CPT1B: variants seen among roughly 807,000 people sequenced by gnomAD.
The protein encoded by CPT1B is carnitine palmitoyltransferase 1B, also known as carnitine O-palmitoyltransferase 1, muscle isoform.
CPT1B carries 57 observed loss-of-function variants against 92.7 expected under a neutral mutation model. That is an observed-to-expected ratio of 0.62 (90% CI 0.50 to 0.77). The LOEUF (loss-of-function observed/expected upper bound fraction) is 0.77, where lower values mean the gene tolerates loss of function less well. Ranked by LOEUF, CPT1B falls within the 30% of genes least tolerant of loss-of-function variation. CPT1B has a pLI of 0.00. For synonymous variants in CPT1B, 398 were observed against 383.5 expected (o/e 1.04, Z -0.44); for missense variants, 983 against 1,017.4 (o/e 0.97, Z 0.46).
In CPT1B at chr22:50,577,413, G is replaced by A; in HGVS notation, c.192C>T (p.Val64=). 1 of 1,613,904 alleles carries A rather than the reference G, an allele frequency of 6.2e-7. No individual in the cohort carries two copies. The change falls in exon 3 of 20, where the codon GTC becomes GTT. Residue 64 remains valine, a synonymous_variant. Coordinates refer to ENST00000312108, the MANE Select transcript of CPT1B (RefSeq NM_152246.3). ...VYPGSPTSWL[V]VIMATVGSSF... ...AGGAACCCACTGTTGCCATGATGAC[G>A]ACCAGCCAGCTGGTGGGGCTGCCAG...
In CPT1B at chr22:50,577,927, G is replaced by A; in HGVS notation, c.-12C>T. The A allele has an allele frequency of 6.2e-7, 1 of 1,604,948 alleles. No homozygotes were observed. Among genetic ancestry groups the A allele is most frequent in the Admixed American group, 1.7e-5 (1 of 59,866 alleles). ...TGAGCTTCCGCCATCCTGGGGGTTG[G>A]TCGGCACCTAGGACGGGGGCAGATG... On this transcript the variant is annotated 5_prime_UTR_variant, in exon 2 of 20. Coordinates refer to ENST00000312108, the MANE Select transcript of CPT1B (RefSeq NM_152246.3).
intron 7 of CPT1B, 26 bp from the exon 8 acceptor site, chr22:50,574,626 T>G (rs1458298858): frequency 6.3e-7 from 1 of 1,597,186 alleles, no homozygotes; most frequent in South Asian, 1.1e-5. Context: ...GCCCGCGGGG[T>G]GGGGGCCTCT....
chr22:50,572,847 G>A (rs2070242588), intron 11 of CPT1B, 28 bp downstream of exon 11: 1 of 1,593,818 alleles, frequency 6.3e-7, no homozygotes. Flanking sequence ...ACCTTAAGCT[G>A]TAACCTGTGG....
chr22:50,578,516 A>G (rs539863118), upstream of CPT1B: 2 of 155,818 alleles, frequency 1.3e-5, no homozygotes, highest in South Asian at 3.9e-4. Context: ...GGGGTCGGGG[A>G]AAAACGTGGG....
chr22:50,577,117 A>G lies in CPT1B; in HGVS notation c.282-83T>C. ...GTGAACTGTCTCAGGGGAGACACCA[A>G]GGGGAAGAACCTCCCTGGGCACACT... On this transcript the variant is annotated intron_variant, in intron 3 of 19. Coordinates refer to ENST00000312108, the MANE Select transcript of CPT1B (RefSeq NM_152246.3). 8 of 1,511,840 alleles carry G rather than the reference A, an allele frequency of 5.3e-6. 1 individual carries two copies. The South Asian group carries it at 9.3e-5, about 18-fold the overall frequency. The allele number at this position is 1,511,840 out of a possible 1,614,324, so 93.7% of individuals were successfully genotyped here.
chr22:50,571,270 G>T lies in CPT1B; in HGVS notation c.1763C>A (p.Thr588Asn). Reference protein sequence around the residue: ...HFRDRGKFCLTYEASMTRMFR... With the variant: ...HFRDRGKFCLNYEASMTRMFR... Reference sequence around the variant, plus strand: ...CATTCTGGTCATTGAGGCCTCATAGGTCAGGCAGAACTTACCCCTGTCCTG... The same window carrying T: ...CATTCTGGTCATTGAGGCCTCATAGTTCAGGCAGAACTTACCCCTGTCCTG... The change falls in exon 15 of 20, where the codon ACC (threonine) becomes AAC (asparagine). Residue 588 changes from threonine (T) to asparagine (N), a missense_variant. Transcript: ENST00000312108. The T allele has an allele frequency of 1.2e-6, 2 of 1,613,948 alleles. No homozygotes were observed. The highest frequency in any genetic ancestry group is 1.7e-6 in the Non-Finnish European group (2 of 1,180,040).
At position 50,571,165 on chromosome 22, in the gene CPT1B, G is replaced by A. The variant is rs563717431; in HGVS notation, c.1868C>T (p.Ser623Phe). ...TAFVQAMMEGSHTKADLRDLF... is the reference protein window; with the variant it reads ...TAFVQAMMEGFHTKADLRDLF... The stretch of plus-strand genomic sequence containing the variant: ...TGGGCAGAGGACACTTACTGTGTGG[G>A]ACCCCTCCATCATGGCCTGCACAAA... The change falls in exon 15 of 20, where the codon TCC becomes TTC. Residue 623 changes from serine to phenylalanine, a missense_variant. Ser to Phe is a radical substitution (Grantham distance 155). Transcript: ENST00000312108. The A allele has an allele frequency of 1.1e-5, 17 of 1,614,134 alleles. No individual in the cohort carries two copies. The highest frequency in any genetic ancestry group is 2.7e-5 in the African/African-American group (2 of 75,068).
Position 50,573,746 on chromosome 22 carries a change from G to A in CPT1B, c.971-31C>T, listed in dbSNP as rs199842559. ...ATACAGGCCACGGGCAAGCTGAGGC[G>A]GGGCCCCCAGCTACATCCTGGGAAG... On this transcript the variant is annotated intron_variant, in intron 9 of 19. Coordinates refer to ENST00000312108, the MANE Select transcript of CPT1B (RefSeq NM_152246.3). This position sits in a 1 kb window ranked among gnomAD's most constrained non-coding sequence, Gnocchi z 5.0. 6.0e-5 allele frequency: 96 copies of A among 1,594,794 alleles called. No homozygotes were observed. The East Asian group carries it at 1.4e-3, about 24-fold the overall frequency.
Position 50,572,272 on chromosome 22 carries a change from C to T in CPT1B, c.1389G>A (p.Lys463=). ...FDKSFTLISF[K]NGQLGLNAEH... is the part of the protein sequence containing the mutation. Reference sequence around the variant, plus strand: ...CTGCATTGAGACCCAACTGGCCATTCTTGAAGGAAATGAGAGTGAAGGATT... The same window carrying T: ...CTGCATTGAGACCCAACTGGCCATTTTTGAAGGAAATGAGAGTGAAGGATT... The change falls in exon 12 of 20, where the codon AAG becomes AAA. Residue 463 remains lysine (K), a synonymous_variant. Coordinates refer to ENST00000312108, the MANE Select transcript of CPT1B (RefSeq NM_152246.3). 1 of 1,613,974 alleles carries T rather than the reference C, an allele frequency of 6.2e-7. No individual in the cohort carries two copies. Among genetic ancestry groups the T allele is most frequent in the Non-Finnish European group, 8.5e-7 (1 of 1,179,950 alleles).
rs769084833 is a variant in CPT1B at position 50,577,376 on chromosome 22, C to G, written c.229G>C (p.Val77Leu). 1.2e-6 allele frequency: 2 copies of G among 1,613,966 alleles called. No homozygotes were observed. The highest frequency in any genetic ancestry group is 1.7e-6 in the Non-Finnish European group (2 of 1,180,006). ...CTGACCAGCCCCAAGGAGATGTCCA[C>G]GTTGCAGAAGGAGGAACCCACTGTT... ...MATVGSSFCN[V>L]DISLGLVSCI... The change falls in exon 3 of 20, where the codon GTG (valine) becomes CTG (leucine). Residue 77 changes from valine (V) to leucine (L), a missense_variant. Physicochemically the swap from Val to Leu is conservative, Grantham distance 32. Transcript: ENST00000312108.
At position 50,578,383 on chromosome 22, in the gene CPT1B, C is replaced by T. The variant is rs564171283; in HGVS notation, c.-20+3G>A. 3.4e-4 allele frequency: 52 copies of T among 153,188 alleles called. No individual in the cohort carries two copies. The highest frequency in any genetic ancestry group is 1.2e-3 in the African/African-American group (51 of 41,576). The allele number at this position is 153,188 out of a possible 1,614,324, so 9.5% of individuals were successfully genotyped here. A position where few individuals can be genotyped will look rare whatever the true frequency, so the allele number is the denominator to read the frequency against. On this transcript the variant is annotated splice_donor_region_variant and intron_variant, in intron 1 of 19. Transcript: ENST00000312108. ...GGGCCGCCCTGTGCCGGCCCCTACT[C>T]ACAGCTCGGGTTCACTCCTGTCCGT...
In CPT1B at chr22:50,574,754, T is replaced by C. The variant is rs140547767; in HGVS notation, c.778-154A>G. 2.8e-3 allele frequency: 1,775 copies of C among 633,588 alleles called. 42 individuals are homozygous for C. Among genetic ancestry groups the C allele is most frequent in the South Asian group, 0.024 (1,341 of 54,904 alleles). The allele number at this position is 633,588 out of a possible 1,614,324, so 39.2% of individuals were successfully genotyped here. ...TGCTGCCGGGGTGAACCTCCAGAAATGCACAACTGATCGCAGTAACCCTCT... is the reference window on the plus strand; with the variant it reads ...TGCTGCCGGGGTGAACCTCCAGAAACGCACAACTGATCGCAGTAACCCTCT... On this transcript the variant is annotated intron_variant, in intron 7 of 19. Transcript: ENST00000312108.
intron 9 of CPT1B, among the ~76,000 whole-genome samples, 163 bp downstream of exon 9, chr22:50,574,172 C>T (rs917174259): frequency 6.6e-5 from 10 of 152,226 alleles, no homozygotes; most frequent in African/African-American, 2.2e-4. Context: ...GGTCCCTGCG[C>T]CAGCATCATG....
In CPT1B at chr22:50,572,057, C is replaced by T. The variant is rs750137655; in HGVS notation, c.1524G>A (p.Pro508=). Residue 508 remains proline (P), a synonymous_variant, in exon 13 of 20, where the codon CCG becomes CCA. Coordinates refer to ENST00000312108, the MANE Select transcript of CPT1B (RefSeq NM_152246.3). ...YTETGHCLGK[P]NPALAPPTRL... is the part of the protein sequence containing the mutation. ...GTGTAGGAGGTGCGAGCGCAGGGTTCGGTTTGCCCAGGCAGTGCCCGGTCT... is the reference window on the plus strand; with the variant it reads ...GTGTAGGAGGTGCGAGCGCAGGGTTTGGTTTGCCCAGGCAGTGCCCGGTCT... 3.3e-5 allele frequency: 54 copies of T among 1,614,002 alleles called. No individual in the cohort carries two copies. Among genetic ancestry groups the T allele is most frequent in the South Asian group, 2.7e-4 (25 of 91,076 alleles).
chr22:50,571,126 CTG>C, intron 15 of CPT1B, 30 bp downstream of exon 15: 1 of 1,613,034 alleles, frequency 6.2e-7, no homozygotes, highest in Non-Finnish European at 8.5e-7. Context: ...CACCCGACGA[CTG>C]TGACCCCCAC....
Position 50,573,082 on chromosome 22 carries a change from G to A in CPT1B, c.1167-22C>T, listed in dbSNP as rs758318038. On this transcript the variant is annotated intron_variant, in intron 10 of 19. Transcript: ENST00000312108. The surrounding 1 kb of genome is among the most constrained non-coding windows in gnomAD (Gnocchi z 5.0). ...CACCCTGAAGCATGGGGCAGGGTAA[G>A]CAGTGGGCACGTGGACTTGGGATGA... is the stretch of plus-strand genomic sequence containing the variant. 3 of 1,581,226 alleles carry A rather than the reference G, an allele frequency of 1.9e-6. No homozygotes were observed. The highest frequency in any genetic ancestry group is 1.1e-5 in the South Asian group (1 of 89,762).
At position 50,571,061 on chromosome 22, in the gene CPT1B, A is replaced by T. The variant is rs1471723658; in HGVS notation, c.1876-18T>A. 6.2e-7 allele frequency: 1 copy of T among 1,612,894 alleles called. No individual in the cohort carries two copies. The highest frequency in any genetic ancestry group is 1.1e-5 in the South Asian group (1 of 91,066). On this transcript the variant is annotated intron_variant, in intron 15 of 19. Transcript: ENST00000312108. ...TCTGCTTTCTGCGGGGCAGAAGTAA[A>T]GGGGTGAAGAGTAGCCCTGGCCCTC...
chr22:50,569,788 C>A (rs1417097086), intron 17 of CPT1B, 120 bp from the exon 18 acceptor site: 2 of 835,164 alleles, frequency 2.4e-6, no homozygotes, highest in African/African-American at 3.4e-5. Flanking sequence ...GCCCTAGACA[C>A]TGCATTTTTC....
chr22:50,577,346 T>C lies in CPT1B; in HGVS notation c.259A>G (p.Ile87Val). 1 of 1,613,870 alleles carries C rather than the reference T, an allele frequency of 6.2e-7. No individual in the cohort carries two copies. Among genetic ancestry groups the C allele is most frequent in the Non-Finnish European group, 8.5e-7 (1 of 1,179,976 alleles). Reference sequence around the variant, plus strand: ...TACCCCTGAGGGAGGCATCTCTGGATGCAACTGACCAGCCCCAAGGAGATG... The same window carrying C: ...TACCCCTGAGGGAGGCATCTCTGGACGCAACTGACCAGCCCCAAGGAGATG... ...VDISLGLVSC[I>V]QRCLPQGCGP... Residue 87 changes from isoleucine to valine, a missense_variant, in exon 3 of 20, where the codon ATC becomes GTC. Coordinates refer to ENST00000312108, the MANE Select transcript of CPT1B (RefSeq NM_152246.3).
Sources: allele counts gnomAD v4.1 joint callset (sites outside exome capture counted in the v4.1 genomes callset), GRCh38; gene constraint gnomAD v4.1.1; non-coding constraint Gnocchi (gnomAD v3.1); transcripts MANE v1.5; gene names NCBI Gene and HGNC (gene_info 2026-07-23, HGNC 2026-07-21).